The following PLEKHA2 variants were observed in gnomAD, a reference collection of about 807,000 sequenced individuals.
PLEKHA2 encodes pleckstrin homology domain containing A2.
Under a neutral mutation model 53.2 loss-of-function variants are expected in PLEKHA2, and 28 were observed. The observed-to-expected ratio is 0.53, with a 90% CI of 0.39 to 0.72. PLEKHA2 has a LOEUF of 0.72. Ranked by LOEUF, PLEKHA2 falls within the 30% of genes least tolerant of loss-of-function variation. PLEKHA2 has a pLI of 0.00. For missense variants in PLEKHA2, 426 were observed against 537.9 expected (o/e 0.79, Z 2.06); for synonymous variants, 193 against 196.4 (o/e 0.98, Z 0.14).
chr8:38,948,931 C>G (rs890465155), intron 5 of PLEKHA2, among the ~76,000 whole-genome samples: 3 of 152,192 alleles, frequency 2.0e-5, no homozygotes, highest in African/African-American at 7.2e-5. Flanking sequence ...AGTGCAATGG[C>G]GTGATCTCGG....
chr8:38,948,536 A>AG (rs1035267535), intron 5 of PLEKHA2, among the ~76,000 whole-genome samples: 2 of 152,138 alleles, frequency 1.3e-5, no homozygotes, highest in African/African-American at 4.8e-5. Context: ...AGGGGTAGGG[A>AG]GGGGGCAGAG....
chr8:38,918,850 G>A (rs1052185372), intron 2 of PLEKHA2, among the ~76,000 whole-genome samples: 2 of 152,152 alleles, frequency 1.3e-5, no homozygotes, highest in African/African-American at 4.8e-5. Flanking sequence ...ATCTTAGCTT[G>A]GAGAGAATGA....
intron 2 of PLEKHA2, among the ~76,000 whole-genome samples, chr8:38,932,983 AGCT>A (rs1834421726): frequency 6.6e-6 from 1 of 152,100 alleles, no homozygotes; most frequent in Non-Finnish European, 1.5e-5. Context: ...GAACAGGGAG[AGCT>A]GCCAGGGAGG....
intron 3 of PLEKHA2, 89 bp from the exon 4 acceptor site, chr8:38,943,700 A>C: frequency 1.0e-6 from 1 of 984,624 alleles, no homozygotes; most frequent in South Asian, 1.6e-5. Flanking sequence ...TGTTTAATGT[A>C]CTCTTTATAT....
intron 2 of PLEKHA2, among the ~76,000 whole-genome samples, chr8:38,925,491 A>G (rs1156422274): frequency 6.6e-6 from 1 of 152,192 alleles, no homozygotes; most frequent in Non-Finnish European, 1.5e-5. Context: ...ACTCTGTCAA[A>G]TGTGTTTTTT....
intron 8 of PLEKHA2, among the ~76,000 whole-genome samples, chr8:38,953,069 G>A (rs1043121937): frequency 6.6e-6 from 1 of 152,114 alleles, no homozygotes. Context: ...TTGAACTCCT[G>A]GCCTCAAGCA....
intron 1 of PLEKHA2, among the ~76,000 whole-genome samples, chr8:38,905,685 C>CTTTTT (rs5891048): frequency 1.7e-5 from 2 of 117,620 alleles, no homozygotes; most frequent in South Asian, 2.8e-4. Context: ...TGTGTTTTTG[C>CTTTTT]TTTTTTTTTT....
intron 1 of PLEKHA2, among the ~76,000 whole-genome samples, chr8:38,903,396 A>G (rs963845130): frequency 6.6e-6 from 1 of 152,084 alleles, no homozygotes; most frequent in Non-Finnish European, 1.5e-5. Context: ...TTTCCTTGTC[A>G]TTGGTGCTTT....
intron 10 of PLEKHA2, among the ~76,000 whole-genome samples, chr8:38,966,660 G>A (rs1047597305): frequency 5.3e-5 from 8 of 152,132 alleles, no homozygotes; most frequent in African/African-American, 1.9e-4. Flanking sequence ...CCCCCTTCTG[G>A]GGTTTATAGG....
Position 38,906,434 on chromosome 8 carries a change from T to C in PLEKHA2, c.-24+4989T>C, listed in dbSNP as rs546207883. On this transcript the variant is annotated intron_variant, in intron 1 of 11. Transcript: ENST00000617275. ...CCCTCCCCCCATATTTTTTCAAAAA[T>C]TCCTTCTTGAGTATCTCTTGCTCTC... Among the ~76,000 whole-genome samples, 22 of 152,334 alleles carry C rather than the reference T, an allele frequency of 1.4e-4. No individual in the cohort carries two copies. The South Asian group carries it at 4.6e-3, about 32-fold the overall frequency.
In PLEKHA2 at chr8:38,969,949, G is replaced by GTGTC. The variant is rs1188454820; in HGVS notation, c.*169_*170insCTGT. On this transcript the variant is annotated 3_prime_UTR_variant, in exon 12 of 12. Transcript: ENST00000617275. ...GGGCCCATCCAGCTGGGCTGTGTGT[G>GTGTC]TGTGTGTGTGTGTGTGTGTGTGTGT... 1 of 684,172 alleles carries GTGTC rather than the reference G, an allele frequency of 1.5e-6. No homozygotes were observed. The highest frequency in any genetic ancestry group is 3.0e-5 in the Admixed American group (1 of 33,546). The allele number at this position is 684,172 out of a possible 1,614,324, so 42.4% of individuals were successfully genotyped here.
At chr8:38,959,294 G>A (rs910295978) in intron 10 of PLEKHA2, among the ~76,000 whole-genome samples, 1 of 152,144 alleles carries the variant, frequency 6.6e-6, no homozygotes, top group Non-Finnish European at 1.5e-5. Context: ...CCAGGCAAAG[G>A]AAATAGGAGG....
chr8:38,970,287 C>G lies in PLEKHA2; in HGVS notation c.*504C>G. 2.9e-6 allele frequency: 1 copy of G among 349,826 alleles called. No homozygotes were observed. The highest frequency in any genetic ancestry group is 4.8e-5 in the Admixed American group (1 of 20,988). The allele number at this position is 349,826 out of a possible 1,614,324, so 21.7% of individuals were successfully genotyped here. ...TTTTGTACCCTTGCAAACTTGCTTT[C>G]TCTTTCTTCTTGCTGTTGCCCTTTG... is the stretch of plus-strand genomic sequence containing the variant. On this transcript the variant is annotated 3_prime_UTR_variant, in exon 12 of 12. Transcript: ENST00000617275.
At chr8:38,968,554 C>T in intron 10 of PLEKHA2, 38 bp from the exon 11 acceptor site, 1 of 1,600,546 alleles carries the variant, frequency 6.2e-7, no homozygotes, top group Non-Finnish European at 8.6e-7. Context: ...AATCATAGTG[C>T]CTAAAATTTC....
intron 1 of PLEKHA2, chr8:38,902,218 T>TGGGC (rs1391383723): frequency 1.0e-5 from 1 of 100,196 alleles, no homozygotes; most frequent in African/African-American, 4.7e-5. Context: ...AAAAGAAGGG[T>TGGGC]GTGGGGGGGG....
chr8:38,948,284 C>CG (rs1490307963), intron 5 of PLEKHA2, among the ~76,000 whole-genome samples: 1 of 151,984 alleles, frequency 6.6e-6, no homozygotes, highest in Non-Finnish European at 1.5e-5. Context: ...TTAGGTAGGT[C>CG]GTGACATGCA....
intron 5 of PLEKHA2, among the ~76,000 whole-genome samples, chr8:38,949,113 C>T (rs912000794): frequency 2.2e-4 from 33 of 152,242 alleles, no homozygotes; most frequent in African/African-American, 6.5e-4. Flanking sequence ...TCAGGTGATC[C>T]GCCCGCCTCG....
intron 2 of PLEKHA2, among the ~76,000 whole-genome samples, chr8:38,930,868 C>T (rs1834380722): frequency 6.6e-6 from 1 of 152,202 alleles, no homozygotes; most frequent in Non-Finnish European, 1.5e-5. Context: ...GCCATGACCT[C>T]CAACCTGGAA....
intron 9 of PLEKHA2, among the ~76,000 whole-genome samples, chr8:38,956,383 G>A (rs559576956): frequency 3.3e-5 from 5 of 152,256 alleles, no homozygotes; most frequent in East Asian, 1.9e-4. Flanking sequence ...CCTGGGCCCC[G>A]CACAGTGAGG....
Sources: allele counts gnomAD v4.1 joint callset (sites outside exome capture counted in the v4.1 genomes callset), GRCh38; gene constraint gnomAD v4.1.1; transcripts MANE v1.5; gene names NCBI Gene and HGNC (gene_info 2026-07-23, HGNC 2026-07-21).